Variants in CELSR1 observed in about 807,000 individuals in gnomAD.
The protein encoded by CELSR1 is adhesion G protein-coupled receptor C1.
CELSR1 carries 110 observed loss-of-function variants against 249.1 expected under a neutral mutation model. The observed-to-expected ratio is 0.44, with a 90% confidence interval of 0.38 to 0.52. CELSR1 has a LOEUF of 0.52. CELSR1 is among the 20% of genes least tolerant of loss of function. The pLI is 0.00. For missense variants in CELSR1, 4,109 were observed against 4,296.4 expected (o/e 0.96, Z 1.22); for synonymous variants, 2,113 against 1,900.0 (o/e 1.11, Z -2.92).
At position 46,534,436 on chromosome 22, in the gene CELSR1, A is replaced by G; in HGVS notation, c.2735T>C (p.Leu912Pro). ...GTCCCGGTCCGTGGCAGAGACCTGG[A>G]GGATGCTGGTCGAGGGTGGAGCATC... ...FEDAPPSTSI[L>P]QVSATDRDSG... Residue 912 changes from leucine (L) to proline (P), a missense_variant, in exon 1 of 35, where the codon CTC becomes CCC. Coordinates refer to ENST00000674500, the MANE Select transcript of CELSR1 (RefSeq NM_001378328.1). This position sits in a 1 kb window ranked among gnomAD's most constrained non-coding sequence, Gnocchi z 9.7. 6.2e-7 allele frequency: 1 copy of G among 1,613,004 alleles called. No individual in the cohort carries two copies. The highest frequency in any genetic ancestry group is 8.5e-7 in the Non-Finnish European group (1 of 1,180,022).
At chr22:46,481,308 G>A (rs2080264051) in intron 1 of CELSR1, 4 of 607,854 alleles carry the variant, frequency 6.6e-6, no homozygotes, top group Non-Finnish European at 1.2e-5. Context: ...CAGCCCCGAT[G>A]GCCACTGGCA....
chr22:46,467,307 A>G (rs1338995351), intron 1 of CELSR1, among the ~76,000 whole-genome samples: 1 of 152,142 alleles, frequency 6.6e-6, no homozygotes, highest in East Asian at 1.9e-4. Flanking sequence ...TGGAAGCCCA[A>G]ACACACACAC....
In CELSR1 at chr22:46,464,368, G is replaced by C. The variant is rs372800185; in HGVS notation, c.3545-23C>G. ...CATCTGCAGACACAAGGAAAGTCAG[G>C]GTCATTCAGATGCTGCGGGAGTCAC... On this transcript the variant is annotated intron_variant, in intron 1 of 34. Coordinates refer to ENST00000674500, the MANE Select transcript of CELSR1 (RefSeq NM_001378328.1). This position sits in a 1 kb window ranked among gnomAD's most constrained non-coding sequence, Gnocchi z 8.5. The C allele has an allele frequency of 2.5e-6, 4 of 1,598,326 alleles. No homozygotes were observed. The highest frequency in any genetic ancestry group is 1.1e-5 in the South Asian group (1 of 89,238).
Position 46,436,724 on chromosome 22 carries a change from T to TG in CELSR1, c.4407-436dup, listed in dbSNP as rs746749429. Among the ~76,000 whole-genome samples, 72 of 152,120 alleles carry TG rather than the reference T, an allele frequency of 4.7e-4. No homozygotes were observed. The highest frequency in any genetic ancestry group is 8.5e-4 in the Non-Finnish European group (58 of 68,008). ...TGATGCTATGGAAGGACCATTCTTA[T>TG]GGCCTCTCCCCCCGGCACTCAGCCA... On this transcript the variant is annotated intron_variant, in intron 3 of 34. Coordinates refer to ENST00000674500, the MANE Select transcript of CELSR1 (RefSeq NM_001378328.1). This position sits in a 1 kb window ranked among gnomAD's most constrained non-coding sequence, Gnocchi z 5.9.
rs540326238 is a variant in CELSR1, at chr22:46,412,879, G to T, written c.4612-1120C>A. ...GGATAACAAGACCTACATCCCACAGGTGGCCGTGACGATGAGCCAGGAGAT... is the reference window on the plus strand; with the variant it reads ...GGATAACAAGACCTACATCCCACAGTTGGCCGTGACGATGAGCCAGGAGAT... On this transcript the variant is annotated intron_variant, in intron 5 of 34. Transcript: ENST00000674500. The surrounding 1 kb of genome is among the most constrained non-coding windows in gnomAD (Gnocchi z 4.5). Among the ~76,000 whole-genome samples, 1 of 152,298 alleles carries T rather than the reference G, an allele frequency of 6.6e-6. No individual in the cohort carries two copies. The highest frequency in any genetic ancestry group is 1.9e-4 in the East Asian group (1 of 5,174).
rs892547699 is a variant in CELSR1 at position 46,506,838 on chromosome 22, G to A, written c.3544+26789C>T. 6.6e-6 allele frequency among the ~76,000 whole-genome samples: 1 copy of A among 152,182 alleles called. No homozygotes were observed. Among genetic ancestry groups the A allele is most frequent in the Non-Finnish European group, 1.5e-5 (1 of 68,036 alleles). On this transcript the variant is annotated intron_variant, in intron 1 of 34. Coordinates refer to ENST00000674500, the MANE Select transcript of CELSR1 (RefSeq NM_001378328.1). The surrounding 1 kb of genome is among the most constrained non-coding windows in gnomAD (Gnocchi z 4.1). ...CAAGCCCGGGGGTGTCTTCTCCACG[G>A]TCTGTCACCCGCACCACCAGGACAC...
chr22:46,455,577 A>G (rs1466817004), intron 2 of CELSR1, among the ~76,000 whole-genome samples: 4 of 152,176 alleles, frequency 2.6e-5, no homozygotes, highest in Non-Finnish European at 2.9e-5. Flanking sequence ...CTGGGATTTC[A>G]GGCGTGAACC....
intron 5 of CELSR1, among the ~76,000 whole-genome samples, chr22:46,425,689 C>T (rs1233605352): frequency 7.7e-6 from 1 of 130,008 alleles, no homozygotes; most frequent in African/African-American, 2.5e-5. Context: ...AGTTTTCCCC[C>T]GCTTTGAAAA....
rs554404580 is a variant in CELSR1, at chr22:46,379,322, G to C, written c.7257-605C>G. 7.2e-5 allele frequency among the ~76,000 whole-genome samples: 11 copies of C among 152,322 alleles called. No homozygotes were observed. The East Asian group carries it at 2.1e-3, about 29-fold the overall frequency. ...ATAAGGTGTGTCTCAGCTTCAGACA[G>C]GGCCCTGCCCTCGCAGACTCTGGGA... On this transcript the variant is annotated intron_variant, in intron 22 of 34. Coordinates refer to ENST00000674500, the MANE Select transcript of CELSR1 (RefSeq NM_001378328.1).
rs1161023750 is a variant in CELSR1, at chr22:46,448,005, C to T, written c.4184-8594G>A. On this transcript the variant is annotated intron_variant, in intron 2 of 34. Coordinates refer to ENST00000674500, the MANE Select transcript of CELSR1 (RefSeq NM_001378328.1). The surrounding 1 kb of genome is among the most constrained non-coding windows in gnomAD (Gnocchi z 5.7). ...ATGGCCTCATGCACCTGCCCCGCCA[C>T]TGGGGACCTGTCCCATACCAGGCTT... 6.6e-6 allele frequency among the ~76,000 whole-genome samples: 1 copy of T among 152,232 alleles called. No homozygotes were observed. Among genetic ancestry groups the T allele is most frequent in the Non-Finnish European group, 1.5e-5 (1 of 68,042 alleles).
In CELSR1 at chr22:46,526,666, G is replaced by C. The variant is rs545279646; in HGVS notation, c.3544+6961C>G. ...CTCAGCCTCCAGGGCCTGCACCCGT[G>C]GGCCCTCCCCTGCACGTGGTTATTC... On this transcript the variant is annotated intron_variant, in intron 1 of 34. Transcript: ENST00000674500. This position sits in a 1 kb window ranked among gnomAD's most constrained non-coding sequence, Gnocchi z 4.7. 6.6e-6 allele frequency among the ~76,000 whole-genome samples: 1 copy of C among 152,208 alleles called. No individual in the cohort carries two copies. Among genetic ancestry groups the C allele is most frequent in the Admixed American group, 6.5e-5 (1 of 15,304 alleles).
At chr22:46,481,545 A>T in intron 1 of CELSR1, 1 of 1,267,532 alleles carries the variant, frequency 7.9e-7, no homozygotes, top group South Asian at 1.3e-5. Context: ...TGGTGATCAA[A>T]GCCTGGGCTT....
intron 1 of CELSR1, among the ~76,000 whole-genome samples, chr22:46,486,408 C>T (rs1030215699): frequency 2.0e-5 from 3 of 151,566 alleles, no homozygotes; most frequent in South Asian, 4.2e-4. Flanking sequence ...ATTAGCTGGG[C>T]GTGGTGGTGG....
In CELSR1 at chr22:46,402,923, T is replaced by C. The variant is rs1290832449; in HGVS notation, c.5227-3021A>G. 1.3e-5 allele frequency among the ~76,000 whole-genome samples: 2 copies of C among 152,148 alleles called. No individual in the cohort carries two copies. Among genetic ancestry groups the C allele is most frequent in the Non-Finnish European group, 2.9e-5 (2 of 68,040 alleles). On this transcript the variant is annotated intron_variant, in intron 9 of 34. Transcript: ENST00000674500. This position sits in a 1 kb window ranked among gnomAD's most constrained non-coding sequence, Gnocchi z 5.0. ...TTATATTATACCTGAAATATAAGGA[T>C]ACAGAAAATGTTGAAAGTAAAAGGA...
chr22:46,459,306 A>G (rs536210243), intron 2 of CELSR1, among the ~76,000 whole-genome samples: 1 of 152,142 alleles, frequency 6.6e-6, no homozygotes, highest in Non-Finnish European at 1.5e-5. Context: ...TAATGAGGTC[A>G]GGTTTCTTGT....
chr22:46,425,780 T>C (rs568859186), intron 5 of CELSR1, among the ~76,000 whole-genome samples: 18 of 152,356 alleles, frequency 1.2e-4, no homozygotes, highest in African/African-American at 4.1e-4. Flanking sequence ...CACTGACTGC[T>C]GCTCTTATCT....
Position 46,399,860 on chromosome 22 carries a change from A to C in CELSR1, c.5269T>G (p.Ser1757Ala), listed in dbSNP as rs757816957. 6.2e-7 allele frequency: 1 copy of C among 1,614,120 alleles called. No homozygotes were observed. Among genetic ancestry groups the C allele is most frequent in the East Asian group, 2.2e-5 (1 of 44,876 alleles). The change falls in exon 10 of 35, where the codon TCC becomes GCC. Residue 1757 changes from serine (S) to alanine (A), a missense_variant. Transcript: ENST00000674500. The surrounding 1 kb of genome is among the most constrained non-coding windows in gnomAD (Gnocchi z 5.0). ...GACAGCATCACGGACTCCACATCGGAGGGGCCGTGGGACACCTCAAACTGG... is the reference window on the plus strand; with the variant it reads ...GACAGCATCACGGACTCCACATCGGCGGGGCCGTGGGACACCTCAAACTGG... ...YLQFEVSHGP[S>A]DVESVMLSGL...
chr22:46,458,286 T>C (rs1400165354), intron 2 of CELSR1, among the ~76,000 whole-genome samples: 1 of 152,150 alleles, frequency 6.6e-6, no homozygotes, highest in Non-Finnish European at 1.5e-5. Context: ...GACTGCACTT[T>C]ATACTGGAGC....
intron 2 of CELSR1, among the ~76,000 whole-genome samples, 157 bp from the exon 3 acceptor site, chr22:46,439,568 AC>A (rs1265069744): frequency 3.3e-5 from 5 of 151,810 alleles, no homozygotes; most frequent in Admixed American, 2.0e-4. Context: ...ATGAACAGAA[AC>A]CCCTGAGTTC....
Sources: allele counts gnomAD v4.1 joint callset (sites outside exome capture counted in the v4.1 genomes callset), GRCh38; gene constraint gnomAD v4.1.1; non-coding constraint Gnocchi (gnomAD v3.1); transcripts MANE v1.5; gene names NCBI Gene and HGNC (gene_info 2026-07-23, HGNC 2026-07-21).